Variants in EDIL3 observed in about 807,000 individuals in gnomAD.
The protein encoded by EDIL3 is EGF-like repeat and discoidin I-like domain-containing protein 3.
A neutral mutation model predicts 67.4 loss-of-function variants in EDIL3; 37 were observed. That is an observed-to-expected ratio of 0.55 (90% CI 0.42 to 0.72). The LOEUF (loss-of-function observed/expected upper bound fraction) is 0.72, where lower values mean the gene tolerates loss of function less well. EDIL3 is among the 30% of genes least tolerant of loss of function. EDIL3 has a pLI of 0.00. For missense variants in EDIL3, 527 were observed against 586.3 expected, an observed-to-expected ratio of 0.90 and a Z score of 1.04; for synonymous variants, 195 against 196.3, an observed-to-expected ratio of 0.99 and a Z score of 0.05.
intron 1 of EDIL3, among the ~76,000 whole-genome samples, chr5:84,383,667 G>A (rs1467667058): frequency 6.6e-6 from 1 of 152,160 alleles, no homozygotes; most frequent in East Asian, 1.9e-4. Context: ...CAGACTAGGA[G>A]AGGCGGGTTC....
At chr5:84,275,485 T>C (rs1745567413) in intron 1 of EDIL3, among the ~76,000 whole-genome samples, 1 of 152,208 alleles carries the variant, frequency 6.6e-6, no homozygotes, top group Admixed American at 6.5e-5. Context: ...ATAAAATGTA[T>C]TAACATTCCC....
chr5:84,080,935 T>C (rs918751685), intron 6 of EDIL3, among the ~76,000 whole-genome samples: 1 of 152,258 alleles, frequency 6.6e-6, no homozygotes, highest in African/African-American at 2.4e-5. Context: ...TTCTGAATGC[T>C]GGTTAGCCTT....
In EDIL3 at chr5:83,971,892, GAA is replaced by G. The variant is rs752801100; in HGVS notation, c.1138-8534_1138-8533del. ...CTCTTGCTGTTTTCCTCTGAATATA[GAA>G]AAGTTATTTATTTTCTTAATAATCC... is the stretch of plus-strand genomic sequence containing the variant. On this transcript the variant is annotated intron_variant, in intron 9 of 10. Transcript: ENST00000296591. Among the ~76,000 whole-genome samples the G allele has an allele frequency of 1.3e-4, 20 of 152,166 alleles. No homozygotes were observed. In the Middle Eastern group the frequency reaches 0.01, roughly 78 times the overall value.
intron 10 of EDIL3, among the ~76,000 whole-genome samples, chr5:83,946,267 A>C (rs971043433): frequency 2.0e-5 from 3 of 152,064 alleles, no homozygotes; most frequent in Admixed American, 6.6e-5. Context: ...TTTTAGAAAA[A>C]CTATGCACAA....
intron 1 of EDIL3, among the ~76,000 whole-genome samples, chr5:84,271,747 A>G (rs1404581614): frequency 5.9e-5 from 9 of 152,198 alleles, no homozygotes. Flanking sequence ...ATCCAATACC[A>G]TTAGGAATAA....
At chr5:84,319,961 T>C (rs550640011) in intron 1 of EDIL3, among the ~76,000 whole-genome samples, 4 of 151,516 alleles carry the variant, frequency 2.6e-5, no homozygotes, top group Non-Finnish European at 5.9e-5. Flanking sequence ...TGAAAACACA[T>C]GGACACAGGG....
chr5:84,083,084 G>A (rs1021563966), intron 6 of EDIL3, among the ~76,000 whole-genome samples: 4 of 152,080 alleles, frequency 2.6e-5, no homozygotes. Context: ...AATTTGCATT[G>A]TATTTTCATG....
chr5:84,095,345 C>T (rs899602360), intron 6 of EDIL3, among the ~76,000 whole-genome samples: 2 of 152,094 alleles, frequency 1.3e-5, no homozygotes, highest in African/African-American at 2.4e-5. Context: ...GTTTGGAGGG[C>T]TCAGAAAAAG....
chr5:84,035,243 T>A (rs1746001227), intron 9 of EDIL3, among the ~76,000 whole-genome samples: 1 of 152,190 alleles, frequency 6.6e-6, no homozygotes. Context: ...TTCATCCTTA[T>A]GTCATTATAA....
In EDIL3 at chr5:84,070,009, T is replaced by C. The variant is rs111554071; in HGVS notation, c.652-3403A>G. ...TAGACGCCAGCAGGCCATCGACCCA[T>C]GGAATGATGTGGATACCAAGGGGAA... On this transcript the variant is annotated intron_variant, in intron 6 of 10. Transcript: ENST00000296591. Among the ~76,000 whole-genome samples, 16 of 151,438 alleles carry C rather than the reference T, an allele frequency of 1.1e-4. No homozygotes were observed. The South Asian group carries it at 2.3e-3, about 22-fold the overall frequency.
chr5:84,192,523 G>A (rs1743614087), intron 3 of EDIL3, among the ~76,000 whole-genome samples: 1 of 151,634 alleles, frequency 6.6e-6, no homozygotes. Flanking sequence ...TTCCTTCCTA[G>A]ATAGCCCAAA....
rs373437343 is a variant in EDIL3, at chr5:83,973,672, T to G, written c.1138-10312A>C. Among the ~76,000 whole-genome samples the G allele has an allele frequency of 3.9e-5, 6 of 152,172 alleles. No homozygotes were observed. In the East Asian group the frequency reaches 1.2e-3, roughly 30 times the overall value. ...ACTGAATATAATTTTATGCAAAGTG[T>G]TGTATTATGTAAAGCCATTATATAA... On this transcript the variant is annotated intron_variant, in intron 9 of 10. Coordinates refer to ENST00000296591, the MANE Select transcript of EDIL3 (RefSeq NM_005711.5).
intron 10 of EDIL3, among the ~76,000 whole-genome samples, chr5:83,943,951 G>C (rs773533515): frequency 6.6e-6 from 1 of 152,048 alleles, no homozygotes; most frequent in Non-Finnish European, 1.5e-5. Context: ...GCAAAGTACA[G>C]CTATCATCTG....
At position 84,160,744 on chromosome 5, in the gene EDIL3, T is replaced by C. The variant is rs76671660; in HGVS notation, c.355+19649A>G. Among the ~76,000 whole-genome samples, 474 of 99,838 alleles carry C rather than the reference T, an allele frequency of 4.7e-3. 2 individuals are homozygous for C. Among genetic ancestry groups the C allele is most frequent in the African/African-American group, 9.2e-3 (226 of 24,466 alleles). The allele number at this position is 99,838 out of a possible 152,430, so 65.5% of individuals were successfully genotyped here. A position where few individuals can be genotyped will look rare whatever the true frequency, so the allele number is the denominator to read the frequency against. On this transcript the variant is annotated intron_variant, in intron 4 of 10. Transcript: ENST00000296591. ...TTTTCTTCTTTTTTTTCTTTTCTTT[T>C]CTTTCCTTTCCTTTCCTTTCCTTTC... is the stretch of plus-strand genomic sequence containing the variant.
chr5:83,993,547 T>C (rs1745186611), intron 9 of EDIL3, among the ~76,000 whole-genome samples: 1 of 152,196 alleles, frequency 6.6e-6, no homozygotes, highest in Non-Finnish European at 1.5e-5. Context: ...ATATTCCCTA[T>C]CTGCATCCTT....
rs181700211 is a variant in EDIL3, at chr5:84,350,078, G to A, written c.67+34230C>T. 1.2e-3 allele frequency among the ~76,000 whole-genome samples: 183 copies of A among 152,102 alleles called. 1 individual carries two copies. The highest frequency in any genetic ancestry group is 1.8e-3 in the Non-Finnish European group (121 of 67,964). ...ATGAAAGATCTTGTTGTCTAACCCA[G>A]GCATCCTCACCTCAAGATTTGTTCT... On this transcript the variant is annotated intron_variant, in intron 1 of 10. Coordinates refer to ENST00000296591, the MANE Select transcript of EDIL3 (RefSeq NM_005711.5).
chr5:84,082,034 T>G (rs1248057310), intron 6 of EDIL3, among the ~76,000 whole-genome samples: 1 of 152,242 alleles, frequency 6.6e-6, no homozygotes, highest in East Asian at 1.9e-4. Context: ...AACAGAATTC[T>G]CTGATAATCA....
At chr5:84,286,217 A>G (rs1438036205) in intron 1 of EDIL3, among the ~76,000 whole-genome samples, 1 of 152,108 alleles carries the variant, frequency 6.6e-6, no homozygotes, top group East Asian at 1.9e-4. Context: ...TAATTTTGTG[A>G]TAGCATGCAT....
chr5:84,093,040 C>T (rs1747195025), intron 6 of EDIL3, among the ~76,000 whole-genome samples: 2 of 152,180 alleles, frequency 1.3e-5, no homozygotes, highest in Non-Finnish European at 1.5e-5. Context: ...AATATAAATG[C>T]ACCACATGTG....
Sources: allele counts gnomAD v4.1 joint callset (sites outside exome capture counted in the v4.1 genomes callset), GRCh38; gene constraint gnomAD v4.1.1; transcripts MANE v1.5; gene names NCBI Gene and HGNC (gene_info 2026-07-23, HGNC 2026-07-21).